The following AATK variants were observed in gnomAD, a reference collection of about 807,000 sequenced individuals.
AATK encodes the protein lemur tail kinase 1, also known as serine/threonine-protein kinase LMTK1.
AATK carries 91 observed loss-of-function variants against 114.3 expected under a neutral mutation model. That is an observed-to-expected ratio of 0.80 (90% CI 0.67 to 0.95). The LOEUF is 0.95. Among genes scored for constraint, AATK ranks in the 40% least tolerant of loss-of-function variants. AATK has a pLI of 0.00. For missense variants in AATK, 2,176 were observed against 1,965.2 expected (o/e 1.11, Z -2.03); for synonymous variants, 1,075 against 916.5 (o/e 1.17, Z -3.12).
chr17:81,120,886 C>A lies in AATK; in HGVS notation c.3050G>T (p.Gly1017Val). 6.3e-7 allele frequency: 1 copy of A among 1,583,608 alleles called. No homozygotes were observed. The highest frequency in any genetic ancestry group is 2.3e-5 in the East Asian group (1 of 43,122). ...CAGCTCTGGCCCGGGGGCTCGGTCC[C>A]CGCCGCACTTCTTCTCTGGGCCTGA... The part of the protein sequence containing the change: ...ATSGPEKKCG[G>V]DRAPGPELGL... The change falls in exon 11 of 14, where the codon GGG becomes GTG. Residue 1017 changes from glycine (G) to valine (V), a missense_variant. Gly to Val is a moderately radical substitution (Grantham distance 109). Transcript: ENST00000326724.
chr17:81,133,318 G>A (rs1217418557), intron 2 of AATK: 2 of 427,986 alleles, frequency 4.7e-6, no homozygotes, highest in Non-Finnish European at 9.5e-6. Context: ...GGTGGGCAGA[G>A]CCAGCTCCTT....
intron 1 of AATK, among the ~76,000 whole-genome samples, chr17:81,144,061 C>T (rs1309549718): frequency 1.3e-5 from 2 of 152,152 alleles, no homozygotes; most frequent in Admixed American, 6.5e-5. Context: ...TGGCTCTCTG[C>T]CCCCACCCCT....
intron 1 of AATK, among the ~76,000 whole-genome samples, chr17:81,139,040 G>A (rs368951965): frequency 1.3e-5 from 2 of 151,980 alleles, no homozygotes; most frequent in African/African-American, 2.4e-5. Context: ...ACACCCACAG[G>A]CACACACACC....
chr17:81,119,573 C>A lies in AATK; in HGVS notation c.3891G>T (p.Gly1297=). ...PNGSTAEEGG[G]FAWDDDFPLM... ...GCGGGAAGTCGTCGTCCCACGCGAA[C>A]CCACCACCTGCAGCCCAGGTCGCGG... is the stretch of plus-strand genomic sequence containing the variant. The change falls in exon 13 of 14, where the codon GGG becomes GGT. Residue 1297 remains glycine (G), a synonymous_variant. Transcript: ENST00000326724. The A allele has an allele frequency of 6.4e-7, 1 of 1,571,430 alleles. No homozygotes were observed.
chr17:81,164,620 G>T (rs961671188), intron 1 of AATK, among the ~76,000 whole-genome samples: 1 of 152,254 alleles, frequency 6.6e-6, no homozygotes, highest in African/African-American at 2.4e-5. Context: ...CCGAGGCAGG[G>T]TATGGGCCGA....
intron 1 of AATK, among the ~76,000 whole-genome samples, chr17:81,157,352 T>A (rs1180197178): frequency 2.6e-5 from 4 of 152,172 alleles, no homozygotes; most frequent in African/African-American, 7.2e-5. Flanking sequence ...GCCTCCAACC[T>A]GGGGCTGCAC....
intron 1 of AATK, among the ~76,000 whole-genome samples, chr17:81,143,240 G>A (rs1268156712): frequency 2.1e-4 from 32 of 150,772 alleles, no homozygotes; most frequent in African/African-American, 1.5e-4. Context: ...GGCGGAAGCC[G>A]CCTGCAGCAG....
rs1314303864 is a variant in AATK at position 81,134,435 on chromosome 17, C to A, written c.122G>T (p.Gly41Val). ...SLAVVAVSFS[G>V]LFAVIVLMLA... ...CATGAGGACGATGACGGCGAAGAGCCCGGAGAAAGACACAGCCACCACGGC... is the reference window on the plus strand; with the variant it reads ...CATGAGGACGATGACGGCGAAGAGCACGGAGAAAGACACAGCCACCACGGC... The change falls in exon 2 of 14, where the codon GGG becomes GTG. Residue 41 changes from glycine (G) to valine (V), a missense_variant. Gly to Val is a moderately radical substitution (Grantham distance 109). Coordinates refer to ENST00000326724, the MANE Select transcript of AATK (RefSeq NM_001080395.3). 1.9e-6 allele frequency: 3 copies of A among 1,613,270 alleles called. No individual in the cohort carries two copies. In the Admixed American group the frequency reaches 5.0e-5, roughly 27 times the overall value.
Position 81,121,190 on chromosome 17 carries a change from C to A in AATK, c.2746G>T (p.Gly916Cys). ...LDIPSSASDG[G>C]YEVFSPSATG... ...GCCGACGGGCTGAAGACCTCATAGCCACCATCACTGGCTGAGGACGGGATG... is the reference window on the plus strand; with the variant it reads ...GCCGACGGGCTGAAGACCTCATAGCAACCATCACTGGCTGAGGACGGGATG... The change falls in exon 11 of 14, where the codon GGC becomes TGC. Residue 916 changes from glycine (G) to cysteine (C), a missense_variant. Physicochemically the swap from Gly to Cys is radical, Grantham distance 159. Transcript: ENST00000326724. 1 of 1,603,702 alleles carries A rather than the reference C, an allele frequency of 6.2e-7. No individual in the cohort carries two copies. The highest frequency in any genetic ancestry group is 2.2e-5 in the East Asian group (1 of 44,546).
intron 7 of AATK, chr17:81,125,371 C>T (rs1201714740): frequency 1.6e-6 from 1 of 611,776 alleles, no homozygotes; most frequent in Non-Finnish European, 3.2e-6. Context: ...AGCTCTACTA[C>T]ACTATCACTC....
In AATK at chr17:81,121,789, C is replaced by T. The variant is rs149568038; in HGVS notation, c.2147G>A (p.Arg716Gln). The change falls in exon 11 of 14, where the codon CGG (arginine) becomes CAG (glutamine). Residue 716 changes from arginine (R) to glutamine (Q), a missense_variant. By Grantham distance (43) the Arg-to-Gln change is conservative (BLOSUM62 1). Around this residue, in one of 4 missense-constraint regions of AATK, gnomAD observed 1,701 missense variants for 1,394.7 expected, o/e 1.22. Coordinates refer to ENST00000326724, the MANE Select transcript of AATK (RefSeq NM_001080395.3). ...AGGGTACCCCGGCTCGGGGGAGGCC[C>T]GTGGGGTCTGCTTTGGACTGGGGCA... ...EGCPSPKQTP[R>Q]ASPEPGYPGE... 477 of 1,563,216 alleles carry T rather than the reference C, an allele frequency of 3.1e-4. 1 individual carries two copies. The African/African-American group carries it at 5.4e-3, about 18-fold the overall frequency.
chr17:81,129,641 G>A (rs925507546), intron 3 of AATK, among the ~76,000 whole-genome samples: 8 of 152,088 alleles, frequency 5.3e-5, no homozygotes, highest in South Asian at 2.1e-4. Context: ...GCCTTCTTTC[G>A]GGCTCCTGTT....
Position 81,122,295 on chromosome 17 carries a change from G to A in AATK, c.1641C>T (p.Cys547=), listed in dbSNP as rs936574596. ...AAPAAGHDPD[C]AGCAPSPPAT... ...CAGGTGGACTGGGGGCGCAGCCGGCGCAGTCAGGGTCGTGGCCGGCGGCGG... is the reference window on the plus strand; with the variant it reads ...CAGGTGGACTGGGGGCGCAGCCGGCACAGTCAGGGTCGTGGCCGGCGGCGG... The change falls in exon 11 of 14, where the codon TGC becomes TGT. Residue 547 remains cysteine, a synonymous_variant. Transcript: ENST00000326724. The A allele has an allele frequency of 3.3e-6, 5 of 1,506,172 alleles. No homozygotes were observed. The highest frequency in any genetic ancestry group is 4.4e-5 in the Admixed American group (2 of 45,214). The allele number at this position is 1,506,172 out of a possible 1,614,324, so 93.3% of individuals were successfully genotyped here. A position where few individuals can be genotyped will look rare whatever the true frequency, so the allele number is the denominator to read the frequency against.
intron 1 of AATK, 142 bp from the exon 2 acceptor site, chr17:81,134,643 A>T: frequency 9.0e-7 from 1 of 1,112,882 alleles, no homozygotes; most frequent in Non-Finnish European, 1.3e-6. Flanking sequence ...CCCAGACCCC[A>T]CACCTCACAG....
rs1407821071 is a variant in AATK, at chr17:81,127,875, A to G, written c.450T>C (p.Ser150=). 2 of 1,549,058 alleles carry G rather than the reference A, an allele frequency of 1.3e-6. No homozygotes were observed. Among genetic ancestry groups the G allele is most frequent in the African/African-American group, 2.7e-5 (2 of 72,900 alleles). Reference sequence around the variant, plus strand: ...GCAGCTCCTTCACCACCACCTGGGCACTGCTGATGCCAGAGTTCACCTCCC... The same window carrying G: ...GCAGCTCCTTCACCACCACCTGGGCGCTGCTGATGCCAGAGTTCACCTCCC... ...FLGEVNSGIS[S]AQVVVKELQA... The change falls in exon 5 of 14, where the codon AGT becomes AGC. Residue 150 remains serine, a synonymous_variant. Transcript: ENST00000326724.
chr17:81,121,161 A>T lies in AATK; in HGVS notation c.2775T>A (p.Thr925=). Residue 925 remains threonine (T), a synonymous_variant, in exon 11 of 14, where the codon ACT becomes ACA. Transcript: ENST00000326724. ...GGYEVFSPSA[T]GPSGGQPRAL... ...CTCGCGGCTGCCCTCCAGAGGGGCC[A>T]GTGGCCGACGGGCTGAAGACCTCAT... 1.2e-6 allele frequency: 2 copies of T among 1,602,944 alleles called. No homozygotes were observed.
At chr17:81,132,716 C>A in intron 2 of AATK, 1 of 312,380 alleles carries the variant, frequency 3.2e-6, no homozygotes, top group Non-Finnish European at 6.6e-6. Context: ...AGCACAGGGT[C>A]AGCATTGGGG....
chr17:81,155,169 C>T lies in AATK; in HGVS notation c.55+10769G>A, dbSNP rs115697474. Reference sequence around the variant, plus strand: ...TGAAGAGATGTCCTGTTCGTACATTCGCATTTGGGCAAGATAAAATTTCTC... The same window carrying T: ...TGAAGAGATGTCCTGTTCGTACATTTGCATTTGGGCAAGATAAAATTTCTC... On this transcript the variant is annotated intron_variant, in intron 1 of 13. Transcript: ENST00000326724. Among the ~76,000 whole-genome samples, 582 of 152,272 alleles carry T rather than the reference C, an allele frequency of 3.8e-3. 5 individuals are homozygous for T. The highest frequency in any genetic ancestry group is 0.014 in the African/African-American group (566 of 41,562).
At position 81,120,877 on chromosome 17, in the gene AATK, G is replaced by T. The variant is rs868737025; in HGVS notation, c.3059C>A (p.Ala1020Asp). Reference protein sequence around the residue: ...GPEKKCGGDRAPGPELGLPST... With the variant: ...GPEKKCGGDRDPGPELGLPST... ...CGGCAGGCCCAGCTCTGGCCCGGGG[G>T]CTCGGTCCCCGCCGCACTTCTTCTC... The change falls in exon 11 of 14, where the codon GCC becomes GAC. Residue 1020 changes from alanine to aspartate, a missense_variant. Ala to Asp is a moderately radical substitution (Grantham distance 126, BLOSUM62 -2). This residue lies in a region of AATK where 1,701 missense variants were observed against 1,394.7 expected (regional missense o/e 1.22). Transcript: ENST00000326724. 7 of 1,578,926 alleles carry T rather than the reference G, an allele frequency of 4.4e-6. No individual in the cohort carries two copies. In the African/African-American group the frequency reaches 6.7e-5, roughly 15 times the overall value.
Sources: gnomAD v4.1 joint callset for allele counts (sites outside exome capture counted in the v4.1 genomes callset) on GRCh38, gnomAD v4.1.1 for gene constraint, gnomAD v4.1.1 regional missense constraint, MANE v1.5 for transcripts, NCBI Gene and HGNC (gene_info 2026-07-23, HGNC 2026-07-21) for gene names.